GABRB1: variants seen among roughly 807,000 people sequenced by gnomAD.
The protein encoded by GABRB1 is gamma-aminobutyric acid type A receptor subunit beta1, also known as gamma-aminobutyric acid receptor subunit beta-1.
Under a neutral mutation model 51.6 loss-of-function variants are expected in GABRB1, and 17 were observed. The ratio of observed to expected loss-of-function variants is 0.33; its 90% CI spans 0.23 to 0.49. GABRB1 has a LOEUF of 0.49. Among genes scored for constraint, GABRB1 ranks in the 20% least tolerant of loss-of-function variants. The probability of loss-of-function intolerance (pLI) is 0.99; values close to 1 mark genes in which losing one functional copy is unlikely to be tolerated. For missense variants in GABRB1, 410 were observed against 600.6 expected, an observed-to-expected ratio of 0.68 and a Z score of 3.32; for synonymous variants, 247 against 218.9, an observed-to-expected ratio of 1.13 and a Z score of -1.14.
At chr4:47,240,160 T>A (rs180776815) in intron 4 of GABRB1, among the ~76,000 whole-genome samples, 1 of 152,184 alleles carries the variant, frequency 6.6e-6, no homozygotes, top group Non-Finnish European at 1.5e-5. Flanking sequence ...TGGGATGACT[T>A]TTCCCATTTT....
At chr4:47,420,203 A>C (rs911124478) in intron 8 of GABRB1, among the ~76,000 whole-genome samples, 2 of 152,218 alleles carry the variant, frequency 1.3e-5, no homozygotes, top group African/African-American at 2.4e-5. Context: ...CTTAGGAAGC[A>C]GATCAGAGAC....
Position 47,277,074 on chromosome 4 carries a change from T to C in GABRB1, c.462-43053T>C, listed in dbSNP as rs532971016. On this transcript the variant is annotated intron_variant, in intron 4 of 8. Transcript: ENST00000295454. ...ACTAATATTTAATAGAAATTTAACA[T>C]TTCTTTCCATAATTAATGTAGGCAA... 3.3e-5 allele frequency among the ~76,000 whole-genome samples: 5 copies of C among 152,250 alleles called. No individual in the cohort carries two copies. The East Asian group carries it at 9.6e-4, about 29-fold the overall frequency.
intron 3 of GABRB1, among the ~76,000 whole-genome samples, chr4:47,057,988 C>G (rs1254502934): frequency 1.3e-5 from 2 of 152,118 alleles, no homozygotes; most frequent in African/African-American, 4.8e-5. Flanking sequence ...AAACTCTGAG[C>G]AAGAGACTGA....
intron 4 of GABRB1, among the ~76,000 whole-genome samples, chr4:47,247,237 G>A (rs1355406931): frequency 6.6e-6 from 1 of 152,026 alleles, no homozygotes; most frequent in African/African-American, 2.4e-5. Context: ...TCCTACATGT[G>A]ACTAGCCAAT....
At chr4:47,205,914 T>C (rs1720100053) in intron 4 of GABRB1, among the ~76,000 whole-genome samples, 1 of 152,024 alleles carries the variant, frequency 6.6e-6, no homozygotes, top group Non-Finnish European at 1.5e-5. Context: ...ATATTTTTGT[T>C]CTCCTTACCC....
intron 4 of GABRB1, among the ~76,000 whole-genome samples, chr4:47,276,227 T>G (rs1723071036): frequency 6.6e-6 from 1 of 152,116 alleles, no homozygotes; most frequent in Admixed American, 6.6e-5. Flanking sequence ...TGCAATAATA[T>G]GAACATGCAA....
chr4:47,414,448 A>C (rs1482603230), intron 8 of GABRB1, among the ~76,000 whole-genome samples: 1 of 152,178 alleles, frequency 6.6e-6, no homozygotes, highest in African/African-American at 2.4e-5. Flanking sequence ...CATTCTTTTG[A>C]GTTTCTGATT....
intron 4 of GABRB1, among the ~76,000 whole-genome samples, chr4:47,300,240 T>A (rs911727790): frequency 1.3e-5 from 2 of 151,892 alleles, no homozygotes; most frequent in Non-Finnish European, 2.9e-5. Context: ...TAAAGTATAA[T>A]AATAATGAAA....
chr4:47,241,114 T>C (rs990757622), intron 4 of GABRB1, among the ~76,000 whole-genome samples: 1 of 152,228 alleles, frequency 6.6e-6, no homozygotes, highest in Admixed American at 6.5e-5. Context: ...GTGTTTTAAT[T>C]CTACAGCATC....
At chr4:47,175,496 A>G (rs1718656863) in intron 4 of GABRB1, among the ~76,000 whole-genome samples, 1 of 152,166 alleles carries the variant, frequency 6.6e-6, no homozygotes, top group Non-Finnish European at 1.5e-5. Context: ...TACTCTTAAC[A>G]CTATCTCCCT....
At chr4:47,194,910 CA>C (rs1719585234) in intron 4 of GABRB1, among the ~76,000 whole-genome samples, 1 of 152,086 alleles carries the variant, frequency 6.6e-6, no homozygotes, top group Non-Finnish European at 1.5e-5. Flanking sequence ...TTTAGGAGTC[CA>C]AAGGTTTTAC....
rs113878674 is a variant in GABRB1, at chr4:47,272,155, T to C, written c.462-47972T>C. 6.2e-3 allele frequency among the ~76,000 whole-genome samples: 943 copies of C among 152,296 alleles called. 4 individuals are homozygous for C. The highest frequency in any genetic ancestry group is 8.9e-3 in the Non-Finnish European group (603 of 68,018). On this transcript the variant is annotated intron_variant, in intron 4 of 8. Coordinates refer to ENST00000295454, the MANE Select transcript of GABRB1 (RefSeq NM_000812.4). ...TTTGGATGCAGTTCATGTATTCAAC[T>C]CCTGTGCTGTATATTCCTGCACTTA...
At chr4:47,351,006 A>G (rs1303166652) in intron 5 of GABRB1, among the ~76,000 whole-genome samples, 1 of 152,234 alleles carries the variant, frequency 6.6e-6, no homozygotes, top group Non-Finnish European at 1.5e-5. Context: ...TTTCTTCCAC[A>G]TTTTAGAAAA....
chr4:47,151,882 T>G (rs1245760915), intron 3 of GABRB1, among the ~76,000 whole-genome samples: 1 of 152,032 alleles, frequency 6.6e-6, no homozygotes, highest in Admixed American at 6.6e-5. Flanking sequence ...TCTTAAAACT[T>G]TAGTACAAGT....
At chr4:47,383,525 T>C (rs1199807998) in intron 5 of GABRB1, among the ~76,000 whole-genome samples, 1 of 152,120 alleles carries the variant, frequency 6.6e-6, no homozygotes, top group Non-Finnish European at 1.5e-5. Context: ...AATAAGTTAA[T>C]AAAAATGAAA....
chr4:47,150,648 T>TAC (rs148337229), intron 3 of GABRB1, among the ~76,000 whole-genome samples: 93 of 149,158 alleles, frequency 6.2e-4, no homozygotes, highest in Non-Finnish European at 1.0e-3. Context: ...CACATATATA[T>TAC]ACACACACAC....
chr4:47,166,298 C>T (rs1718185416), intron 4 of GABRB1, among the ~76,000 whole-genome samples: 1 of 151,830 alleles, frequency 6.6e-6, no homozygotes, highest in South Asian at 2.1e-4. Flanking sequence ...AATGTGCCTG[C>T]CTCTCCCGCC....
chr4:47,040,627 T>G (rs1725800282), intron 3 of GABRB1, among the ~76,000 whole-genome samples: 1 of 152,116 alleles, frequency 6.6e-6, no homozygotes, highest in Admixed American at 6.6e-5. Context: ...TATAAGTATA[T>G]GTTATAAGGC....
At chr4:47,105,340 C>T (rs929411632) in intron 3 of GABRB1, among the ~76,000 whole-genome samples, 5 of 152,054 alleles carry the variant, frequency 3.3e-5, no homozygotes, top group Admixed American at 2.6e-4. Flanking sequence ...CTGCTCTTGA[C>T]CCTCTCCCAG....
Sources: allele counts gnomAD v4.1 joint callset (sites outside exome capture counted in the v4.1 genomes callset), GRCh38; gene constraint gnomAD v4.1.1; transcripts MANE v1.5; gene names NCBI Gene and HGNC (gene_info 2026-07-23, HGNC 2026-07-21).